Variants in MROH2A observed in about 807,000 individuals in gnomAD.
The protein encoded by MROH2A is maestro heat like repeat family member 2A, also known as maestro heat-like repeat-containing protein family member 2A.
MROH2A carries 174 observed loss-of-function variants against 200.4 expected under a neutral mutation model. That is an observed-to-expected ratio of 0.87 (90% confidence interval 0.77 to 0.98). The LOEUF is 0.98. MROH2A is among the 50% of genes least tolerant of loss of function. MROH2A has a pLI of 0.00. For missense variants in MROH2A, 2,045 were observed against 2,139.6 expected (o/e 0.96, Z 0.87); for synonymous variants, 829 against 840.4 (o/e 0.99, Z 0.23).
At chr2:233,788,938 CAAAAAAAAAAAAAAAA>C (rs56084976) in intron 3 of MROH2A, among the ~76,000 whole-genome samples, 10 of 47,486 alleles carry the variant, frequency 2.1e-4, no homozygotes, top group Admixed American at 6.7e-4. Context: ...GACTCCGTCT[CAAAAAAAAAAAAAAAA>C]AAAAAAAAAA....
At chr2:233,788,979 G>A in intron 3 of MROH2A, among the ~76,000 whole-genome samples, 1 of 130,004 alleles carries the variant, frequency 7.7e-6, no homozygotes, top group African/African-American at 2.9e-5. Context: ...AGAGTAACTT[G>A]TCATGCCTGA....
intron 35 of MROH2A, among the ~76,000 whole-genome samples, chr2:233,824,558 G>C (rs868736522): frequency 1.5e-4 from 23 of 152,348 alleles, no homozygotes; most frequent in Admixed American, 5.9e-4. Flanking sequence ...AAGCCACACA[G>C]GGCCAGGCGC....
At chr2:233,785,697 G>A (rs1701171321) in intron 3 of MROH2A, among the ~76,000 whole-genome samples, 1 of 152,050 alleles carries the variant, frequency 6.6e-6, no homozygotes, top group African/African-American at 2.4e-5. Context: ...AGTGGACTCT[G>A]GGGCAAAGTA....
chr2:233,819,599 A>G, intron 30 of MROH2A, 130 bp downstream of exon 30: 5 of 1,029,204 alleles, frequency 4.9e-6, no homozygotes, highest in Non-Finnish European at 6.9e-6. Flanking sequence ...GCTGCTAAAG[A>G]GGAGGAGGAA....
In MROH2A at chr2:233,822,924, A is replaced by G; in HGVS notation, c.3910A>G (p.Ser1304Gly). Residue 1304 changes from serine (S) to glycine (G), a missense_variant, in exon 34 of 42, where the codon AGC becomes GGC. Physicochemically the swap from Ser to Gly is moderately conservative, Grantham distance 56. Around this residue, in one of 3 missense-constraint regions of MROH2A, gnomAD observed 1,201 missense variants for 1,311.3 expected, o/e 0.92. Transcript: ENST00000389758. ...SMQLLFKRVK[S>G]QHLAHTLDEQ... Reference sequence around the variant, plus strand: ...GCAGCTCTTGTTCAAGAGAGTCAAGAGCCAGCACCTGGCACATACCCTGGA... The same window carrying G: ...GCAGCTCTTGTTCAAGAGAGTCAAGGGCCAGCACCTGGCACATACCCTGGA... 1 of 1,550,602 alleles carries G rather than the reference A, an allele frequency of 6.4e-7. No individual in the cohort carries two copies. The highest frequency in any genetic ancestry group is 8.7e-7 in the Non-Finnish European group (1 of 1,146,980).
chr2:233,800,072 T>G, intron 13 of MROH2A, 133 bp from the exon 14 acceptor site: 2 of 1,095,342 alleles, frequency 1.8e-6, no homozygotes, highest in Non-Finnish European at 2.6e-6. Flanking sequence ...GTCCTAGATA[T>G]ATGCACAGCT....
In MROH2A at chr2:233,822,875, C is replaced by T. The variant is rs1382118028; in HGVS notation, c.3867-6C>T. 5 of 1,550,252 alleles carry T rather than the reference C, an allele frequency of 3.2e-6. No individual in the cohort carries two copies. The Admixed American group carries it at 7.8e-5, about 24-fold the overall frequency. On this transcript the variant is annotated splice_region_variant and splice_polypyrimidine_tract_variant and intron_variant, in intron 33 of 41. Transcript: ENST00000389758. ...CAGCGCATCACAAGCTCCCACCTCC[C>T]TTCAGGGTCACTATCAAGTCCATGC... is the stretch of plus-strand genomic sequence containing the variant.
chr2:233,831,741 C>G (rs1311088021), intron 39 of MROH2A, among the ~76,000 whole-genome samples: 1 of 152,176 alleles, frequency 6.6e-6, no homozygotes, highest in African/African-American at 2.4e-5. Context: ...TTTTAGTAGG[C>G]ACATCCAGAA....
At chr2:233,803,404 A>G in intron 15 of MROH2A, 44 bp from the exon 16 acceptor site, 1 of 1,546,320 alleles carries the variant, frequency 6.5e-7, no homozygotes, top group Non-Finnish European at 8.7e-7. Context: ...ATGTCCTGGT[A>G]CAAGCCAGGA....
chr2:233,794,574 AGGGGATGAGTGGGAGCCGG>A (rs1377653853), intron 8 of MROH2A, 68 bp downstream of exon 8: 1 of 834,964 alleles, frequency 1.2e-6, no homozygotes, highest in Non-Finnish European at 1.9e-6. Context: ...AAGTGTTTAA[AGGGGATGAGTGGGAGCCGG>A]GGGGATGTCA....
chr2:233,799,957 G>A (rs1702351400), intron 13 of MROH2A, 58 bp downstream of exon 13: 1 of 1,545,914 alleles, frequency 6.5e-7, no homozygotes, highest in Admixed American at 2.0e-5. Flanking sequence ...GGTTTCCACA[G>A]TGCTGAGGGG....
chr2:233,833,027 C>A, intron 41 of MROH2A, 111 bp from the exon 42 acceptor site: 1 of 1,314,326 alleles, frequency 7.6e-7, no homozygotes, highest in Non-Finnish European at 1.0e-6. Flanking sequence ...GTTTCCCCGT[C>A]TGCCCCTGCC....
rs1294500598 is a variant in MROH2A, at chr2:233,807,369, CT to C, written c.2053-53del. 1.3e-6 allele frequency: 2 copies of C among 1,511,712 alleles called. No homozygotes were observed. The highest frequency in any genetic ancestry group is 1.4e-5 in the African/African-American group (1 of 71,760). 93.6% of individuals were successfully genotyped at this position (1,511,712 alleles called of 1,614,324 possible). Reference sequence around the variant, plus strand: ...AGAAAACTCTCTACAACAGCACCCCCTGAAGGCTGGCTGTAGGGAGGCCTGA... The same window carrying C: ...AGAAAACTCTCTACAACAGCACCCCCGAAGGCTGGCTGTAGGGAGGCCTGA... On this transcript the variant is annotated intron_variant, in intron 19 of 41. Coordinates refer to ENST00000389758, the MANE Select transcript of MROH2A (RefSeq NM_001394639.1). The surrounding 1 kb of genome is among the most constrained non-coding windows in gnomAD (Gnocchi z 4.3).
At chr2:233,832,388 AGACC>A in intron 40 of MROH2A, 109 bp downstream of exon 40, 1 of 1,041,642 alleles carries the variant, frequency 9.6e-7, no homozygotes, top group South Asian at 1.5e-5. Flanking sequence ...TGGCAAGCTG[AGACC>A]AGAGCTCAGG....
At chr2:233,791,989 C>G (rs755522710) in intron 5 of MROH2A, among the ~76,000 whole-genome samples, 1 of 152,084 alleles carries the variant, frequency 6.6e-6, no homozygotes, top group Non-Finnish European at 1.5e-5. Flanking sequence ...TGGCCTGTTA[C>G]GGCTCCCTTC....
At chr2:233,826,917 T>G (rs642796) in intron 35 of MROH2A, among the ~76,000 whole-genome samples, 1 of 151,938 alleles carries the variant, frequency 6.6e-6, no homozygotes, top group Non-Finnish European at 1.5e-5. Context: ...GCAAAGGACA[T>G]GAACAGACCC....
At chr2:233,827,430 A>G (rs1462874106) in intron 35 of MROH2A, among the ~76,000 whole-genome samples, 1 of 152,218 alleles carries the variant, frequency 6.6e-6, no homozygotes, top group Non-Finnish European at 1.5e-5. Flanking sequence ...AGGGACATGG[A>G]TGAAGCTGGA....
At position 233,805,069 on chromosome 2, in the gene MROH2A, G is replaced by A. The variant is rs1201707038; in HGVS notation, c.2010G>A (p.Leu670=). The A allele has an allele frequency of 1.3e-6, 2 of 1,550,052 alleles. No individual in the cohort carries two copies. The highest frequency in any genetic ancestry group is 2.7e-5 in the African/African-American group (2 of 73,040). The change falls in exon 19 of 42, where the codon CTG becomes CTA. Residue 670 remains leucine (L), a synonymous_variant. Transcript: ENST00000389758. The part of the protein sequence containing the change: ...SSWSLRLSKE[L]NNQIASFDSP... ...GGAGCCTGCGCTTGAGTAAAGAGCTGAACAACCAGATTGCGAGCTTTGACA... is the reference window on the plus strand; with the variant it reads ...GGAGCCTGCGCTTGAGTAAAGAGCTAAACAACCAGATTGCGAGCTTTGACA...
intron 40 of MROH2A, 133 bp downstream of exon 40, chr2:233,832,412 T>C: frequency 4.2e-6 from 4 of 953,432 alleles, no homozygotes; most frequent in Non-Finnish European, 3.2e-6. Context: ...GTCTAAGCCC[T>C]GCACTGTGCT....
Sources: gnomAD v4.1 joint callset for allele counts (sites outside exome capture counted in the v4.1 genomes callset) on GRCh38, gnomAD v4.1.1 for gene constraint, gnomAD v4.1.1 regional missense constraint, Gnocchi (gnomAD v3.1) non-coding constraint, MANE v1.5 for transcripts, NCBI Gene and HGNC (gene_info 2026-07-23, HGNC 2026-07-21) for gene names.